The following ADAMTS6 variants were observed in gnomAD, a reference collection of about 807,000 sequenced individuals.
The protein encoded by ADAMTS6 is A disintegrin and metalloproteinase with thrombospondin motifs 6.
In ADAMTS6, 23 loss-of-function variants were observed where a neutral mutation model predicts 144.3. The observed-to-expected ratio is 0.16, with a 90% CI of 0.11 to 0.23. ADAMTS6 has a LOEUF of 0.23. Ranked by LOEUF, ADAMTS6 falls within the 10% of genes least tolerant of loss-of-function variation. The pLI is 1.00. For synonymous variants in ADAMTS6, 444 were observed against 457.5 expected, an observed-to-expected ratio of 0.97 and a Z score of 0.38; for missense variants, 999 against 1,379.6, an observed-to-expected ratio of 0.72 and a Z score of 4.37.
chr5:65,220,846 A>G, intron 18 of ADAMTS6, among the ~76,000 whole-genome samples: 1 of 152,228 alleles, frequency 6.6e-6, no homozygotes, highest in Non-Finnish European at 1.5e-5. Flanking sequence ...GATCAATACA[A>G]TAAAGCCCTC....
intron 1 of ADAMTS6, among the ~76,000 whole-genome samples, chr5:65,478,440 C>G (rs536560529): frequency 9.2e-5 from 14 of 152,320 alleles, no homozygotes; most frequent in Non-Finnish European, 1.6e-4. Context: ...GGCCTGACCC[C>G]CAGTTACTTA....
chr5:65,309,343 G>A (rs533997266), intron 9 of ADAMTS6, among the ~76,000 whole-genome samples: 21 of 152,008 alleles, frequency 1.4e-4, no homozygotes, highest in Non-Finnish European at 2.6e-4. Context: ...CAGAAAGAGT[G>A]GGCAATTAAG....
intron 14 of ADAMTS6, among the ~76,000 whole-genome samples, chr5:65,249,629 G>A (rs746313645): frequency 3.9e-5 from 6 of 152,094 alleles, no homozygotes; most frequent in Non-Finnish European, 7.4e-5. Flanking sequence ...CCCCTCAGTT[G>A]TATTCTTTCT....
chr5:65,407,314 G>C (rs1387167593), intron 7 of ADAMTS6, among the ~76,000 whole-genome samples: 3 of 151,806 alleles, frequency 2.0e-5, no homozygotes, highest in Admixed American at 2.0e-4. Flanking sequence ...AGCCAGAAGA[G>C]AGTGGGGGGC....
intron 7 of ADAMTS6, among the ~76,000 whole-genome samples, chr5:65,377,348 C>T (rs550354918): frequency 3.9e-5 from 6 of 152,274 alleles, no homozygotes; most frequent in Non-Finnish European, 7.4e-5. Context: ...TAAGTTGTCA[C>T]TTCATTCTGA....
At chr5:65,303,424 GTCT>G (rs1743627263) in intron 9 of ADAMTS6, among the ~76,000 whole-genome samples, 2 of 151,976 alleles carry the variant, frequency 1.3e-5, no homozygotes, top group Admixed American at 1.3e-4. Context: ...TTAATGATAT[GTCT>G]TCTAATAAAA....
chr5:65,193,606 T>C (rs1044430822), intron 21 of ADAMTS6, among the ~76,000 whole-genome samples: 6 of 152,144 alleles, frequency 3.9e-5, no homozygotes, highest in African/African-American at 7.2e-5. Flanking sequence ...TCCAGGAAAA[T>C]GGCATTCTCA....
chr5:65,293,235 T>A (rs1478842838), intron 10 of ADAMTS6, among the ~76,000 whole-genome samples: 1 of 151,994 alleles, frequency 6.6e-6, no homozygotes, highest in South Asian at 2.1e-4. Flanking sequence ...CTACTGACAA[T>A]AAAATTATAA....
At chr5:65,194,621 A>C (rs967661624) in intron 21 of ADAMTS6, among the ~76,000 whole-genome samples, 1 of 152,238 alleles carries the variant, frequency 6.6e-6, no homozygotes, top group African/African-American at 2.4e-5. Context: ...CCATAGTCTG[A>C]ATTCAAAAGA....
intron 1 of ADAMTS6, among the ~76,000 whole-genome samples, chr5:65,476,443 TAAAG>T (rs1760846165): frequency 6.6e-6 from 1 of 152,138 alleles, no homozygotes; most frequent in Non-Finnish European, 1.5e-5. Flanking sequence ...AATTCACAAA[TAAAG>T]AAGCTGAACT....
intron 9 of ADAMTS6, among the ~76,000 whole-genome samples, chr5:65,317,633 G>A (rs185299573): frequency 5.3e-5 from 8 of 152,160 alleles, no homozygotes; most frequent in East Asian, 1.9e-4. Context: ...CCCACAGAAC[G>A]GGAGAAAATA....
At chr5:65,177,164 G>A (rs778905817) in intron 22 of ADAMTS6, among the ~76,000 whole-genome samples, 4 of 152,108 alleles carry the variant, frequency 2.6e-5, no homozygotes, top group Admixed American at 2.0e-4. Context: ...TTCGTAGAGC[G>A]GAAAAGGGAT....
At chr5:65,253,648 G>C (rs1319782246) in intron 14 of ADAMTS6, among the ~76,000 whole-genome samples, 2 of 151,830 alleles carry the variant, frequency 1.3e-5, no homozygotes, top group Non-Finnish European at 2.9e-5. Flanking sequence ...ACACATAACA[G>C]ACACCTGGGC....
intron 20 of ADAMTS6, among the ~76,000 whole-genome samples, chr5:65,200,453 A>C (rs1188427073): frequency 1.3e-5 from 2 of 152,204 alleles, no homozygotes; most frequent in African/African-American, 2.4e-5. Context: ...AACATTGCTA[A>C]GATGTTGATT....
At chr5:65,470,303 A>G (rs1286562881) in intron 3 of ADAMTS6, among the ~76,000 whole-genome samples, 1 of 152,078 alleles carries the variant, frequency 6.6e-6, no homozygotes, top group Non-Finnish European at 1.5e-5. Flanking sequence ...TAGACACTGT[A>G]TAAAAGATTT....
intron 9 of ADAMTS6, among the ~76,000 whole-genome samples, chr5:65,307,426 A>G (rs1021007242): frequency 6.6e-6 from 1 of 152,214 alleles, no homozygotes; most frequent in African/African-American, 2.4e-5. Flanking sequence ...GATTTATTTC[A>G]TTTGGATAAA....
chr5:65,263,700 A>AT (rs767710586), intron 12 of ADAMTS6, among the ~76,000 whole-genome samples: 1 of 152,210 alleles, frequency 6.6e-6, no homozygotes, highest in African/African-American at 2.4e-5. Context: ...AAATCAACTC[A>AT]TAACTCTAGC....
intron 7 of ADAMTS6, among the ~76,000 whole-genome samples, chr5:65,350,171 G>A (rs1306649062): frequency 6.6e-6 from 1 of 152,180 alleles, no homozygotes; most frequent in Non-Finnish European, 1.5e-5. Flanking sequence ...GATGTCACAC[G>A]TTCTATAGTA....
intron 14 of ADAMTS6, among the ~76,000 whole-genome samples, chr5:65,244,274 T>A (rs1183625673): frequency 1.3e-5 from 2 of 151,796 alleles, no homozygotes; most frequent in Non-Finnish European, 2.9e-5. Flanking sequence ...AGAGATGAAC[T>A]ATATAGAAGC....
Sources: gnomAD v4.1 joint callset for allele counts (sites outside exome capture counted in the v4.1 genomes callset) on GRCh38, gnomAD v4.1.1 for gene constraint, MANE v1.5 for transcripts, NCBI Gene and HGNC (gene_info 2026-07-23, HGNC 2026-07-21) for gene names.